The following XRN1 variants were observed in gnomAD, a reference collection of about 807,000 sequenced individuals.
XRN1 encodes the protein 5'-3' exoribonuclease 1, also known as strand-exchange protein 1 homolog.
A neutral mutation model predicts 222.3 loss-of-function variants in XRN1; 67 were observed. That is an observed-to-expected ratio of 0.30 (90% CI 0.25 to 0.37). The LOEUF is 0.37. XRN1 is among the 10% of genes least tolerant of loss of function. The pLI is 1.00. For missense variants in XRN1, 1,707 were observed against 2,000.2 expected (o/e 0.85, Z 2.80); for synonymous variants, 643 against 652.4 (o/e 0.99, Z 0.22).
rs375359025 is a variant in XRN1 at position 142,422,567 on chromosome 3, T to C, written c.967+15A>G. 13 of 1,610,514 alleles carry C rather than the reference T, an allele frequency of 8.1e-6. No homozygotes were observed. The highest frequency in any genetic ancestry group is 6.7e-5 in the East Asian group (3 of 44,792). ...AAATTAAAGTATCCTCGAGAGATTA[T>C]TAAATTCTTCTTACCCCCAAGTTCT... On this transcript the variant is annotated intron_variant, in intron 8 of 40. Transcript: ENST00000392981.
At chr3:142,339,610 C>G (rs145383112) in intron 33 of XRN1, among the ~76,000 whole-genome samples, 180 of 152,278 alleles carry the variant, frequency 1.2e-3, no homozygotes, top group African/African-American at 4.2e-3. Flanking sequence ...CCTGGAGAAA[C>G]AGAGATATGT....
At chr3:142,329,345 T>C in intron 37 of XRN1, 89 bp downstream of exon 37, 1 of 964,156 alleles carries the variant, frequency 1.0e-6, no homozygotes. Flanking sequence ...ATAGGCCCCA[T>C]TTTATTTTTT....
chr3:142,312,426 A>G (rs2065101591), intron 40 of XRN1, among the ~76,000 whole-genome samples, 172 bp downstream of exon 40: 1 of 152,224 alleles, frequency 6.6e-6, no homozygotes, highest in Non-Finnish European at 1.5e-5. Context: ...TTATTAGAAC[A>G]CAAACTCAGA....
intron 31 of XRN1, 107 bp from the exon 32 acceptor site, chr3:142,355,603 A>G: frequency 2.9e-6 from 2 of 690,472 alleles, no homozygotes; most frequent in South Asian, 2.9e-5. Context: ...GGTAGACAGG[A>G]TATTAAACCT....
At chr3:142,405,927 C>G (rs1053463896) in intron 15 of XRN1, among the ~76,000 whole-genome samples, 2 of 151,804 alleles carry the variant, frequency 1.3e-5, no homozygotes, top group Middle Eastern at 3.2e-3. Flanking sequence ...AAAAAACGAA[C>G]AGCCTTAAGG....
chr3:142,432,269 A>ATT, intron 2 of XRN1, among the ~76,000 whole-genome samples: 1 of 138,348 alleles, frequency 7.2e-6, no homozygotes, highest in African/African-American at 2.7e-5. Flanking sequence ...ATATATAAAA[A>ATT]ATTAGCTGGG....
chr3:142,388,414 G>A (rs1227722266), intron 20 of XRN1, among the ~76,000 whole-genome samples: 1 of 152,140 alleles, frequency 6.6e-6, no homozygotes, highest in African/African-American at 2.4e-5. Flanking sequence ...TAGGCTTTTA[G>A]CAGTTAAGTT....
chr3:142,432,474 G>C (rs1200474427), intron 2 of XRN1, among the ~76,000 whole-genome samples, 187 bp downstream of exon 2: 1 of 151,076 alleles, frequency 6.6e-6, no homozygotes, highest in East Asian at 2.0e-4. Flanking sequence ...TTTTGAGAAA[G>C]GACATCTCAC....
intron 25 of XRN1, among the ~76,000 whole-genome samples, chr3:142,372,209 C>T (rs191398916): frequency 1.3e-5 from 2 of 152,238 alleles, no homozygotes; most frequent in Admixed American, 6.5e-5. Context: ...CTTGTGTATA[C>T]CAGTCACGGA....
chr3:142,436,353 C>A (rs1476746460), intron 1 of XRN1, among the ~76,000 whole-genome samples: 1 of 152,134 alleles, frequency 6.6e-6, no homozygotes, highest in East Asian at 1.9e-4. Context: ...TATGTATATT[C>A]ATTCTCTGAC....
At position 142,373,670 on chromosome 3, in the gene XRN1, G is replaced by C. The variant is rs545187220; in HGVS notation, c.2978+2128C>G. Among the ~76,000 whole-genome samples the C allele has an allele frequency of 2.7e-4, 41 of 152,254 alleles. No individual in the cohort carries two copies. The South Asian group carries it at 8.5e-3, about 32-fold the overall frequency. ...TATCAACAGCAATATGGAAACGAAA[G>C]GAGAATGGAACAGTGGTTTCAAAAT... On this transcript the variant is annotated intron_variant, in intron 25 of 40. Transcript: ENST00000392981.
intron 1 of XRN1, among the ~76,000 whole-genome samples, chr3:142,436,629 A>G (rs1234542906): frequency 6.6e-6 from 1 of 152,220 alleles, no homozygotes; most frequent in Non-Finnish European, 1.5e-5. Flanking sequence ...AGTATTGTAC[A>G]GAAAAGATAA....
At chr3:142,420,921 C>G in intron 10 of XRN1, 95 bp downstream of exon 10, 1 of 1,522,270 alleles carries the variant, frequency 6.6e-7, no homozygotes, top group East Asian at 2.3e-5. Context: ...TAAAACGAGG[C>G]AATCCCAAAT....
chr3:142,323,623 G>C (rs931283311), intron 37 of XRN1, among the ~76,000 whole-genome samples: 2 of 152,150 alleles, frequency 1.3e-5, no homozygotes, highest in Non-Finnish European at 2.9e-5. Context: ...GGGATTGACA[G>C]TATTAAGCAG....
intron 31 of XRN1, 74 bp downstream of exon 31, chr3:142,356,838 T>G: frequency 6.8e-7 from 1 of 1,475,010 alleles, no homozygotes; most frequent in Non-Finnish European, 9.3e-7. Context: ...AAATTAGGTT[T>G]ACATTTACAA....
intron 25 of XRN1, among the ~76,000 whole-genome samples, chr3:142,374,777 A>G (rs1019658790): frequency 6.6e-6 from 1 of 152,238 alleles, no homozygotes; most frequent in Non-Finnish European, 1.5e-5. Context: ...CCAGATGGTA[A>G]TATGGGATTG....
At chr3:142,353,576 A>G (rs1440197615) in intron 32 of XRN1, among the ~76,000 whole-genome samples, 2 of 152,204 alleles carry the variant, frequency 1.3e-5, no homozygotes, top group African/African-American at 4.8e-5. Context: ...AAAACAAGCA[A>G]TGGGGTGAGG....
intron 22 of XRN1, among the ~76,000 whole-genome samples, chr3:142,381,814 T>C (rs1188048137): frequency 6.6e-6 from 1 of 152,080 alleles, no homozygotes; most frequent in South Asian, 2.1e-4. Context: ...TGATTGCCTA[T>C]CTTGGCCTCC....
intron 36 of XRN1, among the ~76,000 whole-genome samples, chr3:142,330,077 T>A (rs1304666438): frequency 2.0e-5 from 3 of 152,228 alleles, no homozygotes; most frequent in African/African-American, 7.2e-5. Context: ...AGTACCTAAC[T>A]GCCAAAAATT....
Sources: gnomAD v4.1 joint callset for allele counts (sites outside exome capture counted in the v4.1 genomes callset) on GRCh38, gnomAD v4.1.1 for gene constraint, MANE v1.5 for transcripts, NCBI Gene and HGNC (gene_info 2026-07-23, HGNC 2026-07-21) for gene names.